STAC: variants seen among roughly 807,000 people sequenced by gnomAD.
STAC encodes the protein SH3 and cysteine rich domain.
In STAC, 43 loss-of-function variants were observed where a neutral mutation model predicts 48.8. That is an observed-to-expected ratio of 0.88 (90% CI 0.69 to 1.14). The LOEUF (loss-of-function observed/expected upper bound fraction) is 1.14, where lower values mean the gene tolerates loss of function less well. Among genes scored for constraint, STAC ranks in the 50% most tolerant of loss-of-function variants. STAC has a pLI of 0.00. For synonymous variants in STAC, 193 were observed against 179.5 expected, an observed-to-expected ratio of 1.07 and a Z score of -0.60; for missense variants, 497 against 504.0, an observed-to-expected ratio of 0.99 and a Z score of 0.13.
At position 36,546,173 on chromosome 3, in the gene STAC, T is replaced by C. The variant is rs1479727351; in HGVS notation, c.1111-18T>C. 6 of 1,609,584 alleles carry C rather than the reference T, an allele frequency of 3.7e-6. No homozygotes were observed. The highest frequency in any genetic ancestry group is 1.7e-5 in the Admixed American group (1 of 59,874). On this transcript the variant is annotated intron_variant, in intron 10 of 10. Transcript: ENST00000273183. ...CTGACAGTAAAGTATTTTGTTTTTT[T>C]TCTTCCTTGGCATTCAGATCTGCGT... is the stretch of plus-strand genomic sequence containing the variant.
intron 1 of STAC, among the ~76,000 whole-genome samples, chr3:36,417,237 T>C (rs987431528): frequency 6.6e-6 from 1 of 152,300 alleles, no homozygotes; most frequent in Admixed American, 6.5e-5. Flanking sequence ...GTGTATGCCA[T>C]GGTGCTCAGC....
intron 8 of STAC, among the ~76,000 whole-genome samples, chr3:36,522,401 T>C (rs1698828352): frequency 6.6e-6 from 1 of 152,222 alleles, no homozygotes. Flanking sequence ...TATCTAAATA[T>C]GCATTACAAA....
chr3:36,427,006 C>T (rs1575191122), intron 1 of STAC, among the ~76,000 whole-genome samples: 1 of 152,340 alleles, frequency 6.6e-6, no homozygotes, highest in East Asian at 1.9e-4. Flanking sequence ...CACCAACAGC[C>T]TCCTTCTTGC....
At chr3:36,496,379 C>T (rs1698152814) in intron 6 of STAC, among the ~76,000 whole-genome samples, 1 of 152,214 alleles carries the variant, frequency 6.6e-6, no homozygotes, top group African/African-American at 2.4e-5. Flanking sequence ...TCTTCTCACT[C>T]ATGCAAGGAG....
At chr3:36,533,924 G>A (rs1403723651) in intron 10 of STAC, among the ~76,000 whole-genome samples, 5 of 152,038 alleles carry the variant, frequency 3.3e-5, no homozygotes, top group South Asian at 2.1e-4. Context: ...TGCATGTCAC[G>A]GGGGTTTGGT....
chr3:36,436,501 C>T (rs1351624284), intron 1 of STAC, among the ~76,000 whole-genome samples: 3 of 152,204 alleles, frequency 2.0e-5, no homozygotes, highest in Non-Finnish European at 1.5e-5. Flanking sequence ...GACGCACCGA[C>T]CTCCCAGTGC....
intron 1 of STAC, among the ~76,000 whole-genome samples, chr3:36,398,696 AAG>A (rs891079402): frequency 5.3e-5 from 8 of 151,554 alleles, no homozygotes; most frequent in African/African-American, 1.9e-4. Flanking sequence ...AAAGAAAAGA[AAG>A]AAAGAAAGAA....
At chr3:36,485,116 G>A (rs1210811115) in intron 4 of STAC, 58 bp downstream of exon 4, 1 of 1,445,640 alleles carries the variant, frequency 6.9e-7, no homozygotes, top group South Asian at 1.3e-5. Flanking sequence ...TAACATTAAT[G>A]GCTACTGTCC....
chr3:36,496,025 G>A (rs1027665300), intron 6 of STAC, among the ~76,000 whole-genome samples: 11 of 152,200 alleles, frequency 7.2e-5, no homozygotes, highest in East Asian at 1.9e-4. Flanking sequence ...AATATCCCCC[G>A]TATAGATAAG....
At chr3:36,454,576 A>G (rs917058593) in intron 2 of STAC, among the ~76,000 whole-genome samples, 3 of 152,220 alleles carry the variant, frequency 2.0e-5, no homozygotes, top group Non-Finnish European at 4.4e-5. Context: ...TTAGAAAGAC[A>G]TGGATACTAT....
At chr3:36,439,267 G>A (rs1167353061) in intron 1 of STAC, among the ~76,000 whole-genome samples, 5 of 152,186 alleles carry the variant, frequency 3.3e-5, no homozygotes, top group Non-Finnish European at 1.5e-5. Flanking sequence ...GGAGGATTAA[G>A]ATAGGTCGCC....
intron 1 of STAC, among the ~76,000 whole-genome samples, chr3:36,403,822 C>A (rs1700042909): frequency 6.6e-6 from 1 of 152,048 alleles, no homozygotes; most frequent in African/African-American, 2.4e-5. Flanking sequence ...AAAGTCTATT[C>A]ATTCTGGAAT....
intron 2 of STAC, among the ~76,000 whole-genome samples, chr3:36,475,330 G>A (rs1697463360): frequency 6.6e-6 from 1 of 151,938 alleles, no homozygotes; most frequent in African/African-American, 2.4e-5. Context: ...AGATTTTGAA[G>A]CCACAGATTT....
intron 2 of STAC, among the ~76,000 whole-genome samples, chr3:36,462,703 A>G (rs1417144855): frequency 6.6e-6 from 1 of 152,208 alleles, no homozygotes; most frequent in African/African-American, 2.4e-5. Flanking sequence ...TGATAGCTCA[A>G]TTATGGGAAA....
intron 1 of STAC, among the ~76,000 whole-genome samples, chr3:36,406,274 GAC>G (rs1700086927): frequency 6.6e-6 from 1 of 152,182 alleles, no homozygotes; most frequent in Non-Finnish European, 1.5e-5. Flanking sequence ...GGCCCTGGAA[GAC>G]ACCAGGGAAA....
Position 36,498,623 on chromosome 3 carries a change from C to T in STAC, c.766+5394C>T, listed in dbSNP as rs563855235. On this transcript the variant is annotated intron_variant, in intron 6 of 10. Coordinates refer to ENST00000273183, the MANE Select transcript of STAC (RefSeq NM_003149.3). ...ACAAAATTAGCCAGGCGTGGTGGTG[C>T]CTGTCTGTAATCCCAGCTAGCTGGG... Among the ~76,000 whole-genome samples the T allele has an allele frequency of 4.1e-4, 63 of 152,028 alleles. No individual in the cohort carries two copies. In the South Asian group the frequency reaches 0.013, roughly 32 times the overall value.
At chr3:36,537,169 T>C (rs1413680003) in intron 10 of STAC, among the ~76,000 whole-genome samples, 1 of 152,202 alleles carries the variant, frequency 6.6e-6, no homozygotes, top group African/African-American at 2.4e-5. Flanking sequence ...GAAATACCCT[T>C]TGACCCAGCA....
intron 6 of STAC, among the ~76,000 whole-genome samples, chr3:36,501,244 T>C (rs1206278004): frequency 6.6e-6 from 1 of 151,982 alleles, no homozygotes; most frequent in Non-Finnish European, 1.5e-5. Context: ...AAATGAGTGT[T>C]AAAAAAATAA....
chr3:36,498,351 G>A (rs530313823), intron 6 of STAC, among the ~76,000 whole-genome samples: 5 of 152,272 alleles, frequency 3.3e-5, no homozygotes, highest in Admixed American at 3.3e-4. Flanking sequence ...CCAAAGAAAT[G>A]TTAGGGTATA....
Sources: gnomAD v4.1 joint callset for allele counts (sites outside exome capture counted in the v4.1 genomes callset) on GRCh38, gnomAD v4.1.1 for gene constraint, MANE v1.5 for transcripts, NCBI Gene and HGNC (gene_info 2026-07-23, HGNC 2026-07-21) for gene names.